HECW1: variants seen among roughly 807,000 people sequenced by gnomAD.
The protein encoded by HECW1 is HECT, C2 and WW domain containing E3 ubiquitin protein ligase 1, also known as E3 ubiquitin-protein ligase HECW1.
Under a neutral mutation model 182.3 loss-of-function variants are expected in HECW1, and 61 were observed. The ratio of observed to expected loss-of-function variants is 0.33; its 90% CI spans 0.27 to 0.41. HECW1 has a LOEUF of 0.41. HECW1 is among the 10% of genes least tolerant of loss of function. The pLI is 1.00. For missense variants in HECW1, 1,739 were observed against 2,108.9 expected (o/e 0.82, Z 3.44); for synonymous variants, 859 against 832.6 (o/e 1.03, Z -0.55).
At chr7:43,326,657 G>T (rs754138165) in intron 5 of HECW1, among the ~76,000 whole-genome samples, 3 of 152,200 alleles carry the variant, frequency 2.0e-5, no homozygotes, top group Non-Finnish European at 4.4e-5. Context: ...GGGCAGGATC[G>T]TACATCCACC....
intron 5 of HECW1, among the ~76,000 whole-genome samples, chr7:43,327,195 G>A (rs58558125): frequency 0.14 from 21,593 of 152,162 alleles, 1,716 homozygotes; most frequent in African/African-American, 0.22. Flanking sequence ...AACCCCACCT[G>A]TGCAACGTAA....
At chr7:43,376,191 CGT>C in intron 6 of HECW1, among the ~76,000 whole-genome samples, 1 of 151,874 alleles carries the variant, frequency 6.6e-6, no homozygotes, top group East Asian at 1.9e-4. Flanking sequence ...CCAAAATAAG[CGT>C]GTAAGATGCC....
At chr7:43,554,969 A>G (rs1055832913) in intron 29 of HECW1, among the ~76,000 whole-genome samples, 179 bp downstream of exon 29, 2 of 152,158 alleles carry the variant, frequency 1.3e-5, no homozygotes, top group Non-Finnish European at 2.9e-5. Context: ...CACTGAAACT[A>G]TATTATTCTT....
intron 19 of HECW1, among the ~76,000 whole-genome samples, chr7:43,496,410 G>A (rs2079125194): frequency 6.6e-6 from 1 of 152,004 alleles, no homozygotes; most frequent in African/African-American, 2.4e-5. Context: ...ACTGGACTAT[G>A]TGATGATAGA....
intron 6 of HECW1, among the ~76,000 whole-genome samples, chr7:43,386,058 C>A (rs2074781918): frequency 6.6e-6 from 1 of 152,184 alleles, no homozygotes. Flanking sequence ...CTGACTCAGC[C>A]AGGGGCCAAC....
chr7:43,124,629 G>A (rs1283481221), intron 2 of HECW1, among the ~76,000 whole-genome samples: 1 of 152,124 alleles, frequency 6.6e-6, no homozygotes, highest in Non-Finnish European at 1.5e-5. Flanking sequence ...TCTTTTCAGG[G>A]GCTGTCCTCA....
At chr7:43,534,334 TTAAA>T (rs2081097301) in intron 24 of HECW1, among the ~76,000 whole-genome samples, 1 of 152,200 alleles carries the variant, frequency 6.6e-6, no homozygotes, top group Non-Finnish European at 1.5e-5. Flanking sequence ...CTGCTTTCGT[TTAAA>T]TAATCTGTTG....
At chr7:43,558,731 G>C (rs925508577) in intron 29 of HECW1, among the ~76,000 whole-genome samples, 1 of 152,112 alleles carries the variant, frequency 6.6e-6, no homozygotes, top group Non-Finnish European at 1.5e-5. Flanking sequence ...GAGGCCTGAG[G>C]GTGCCATCAG....
At chr7:43,330,759 T>C (rs565458721) in intron 5 of HECW1, among the ~76,000 whole-genome samples, 162 of 152,282 alleles carry the variant, frequency 1.1e-3, no homozygotes, top group Non-Finnish European at 1.9e-3. Context: ...CCTGGTTTGC[T>C]GGAACTCTCC....
intron 24 of HECW1, among the ~76,000 whole-genome samples, chr7:43,539,493 A>G (rs1306780772): frequency 6.6e-6 from 1 of 152,254 alleles, no homozygotes; most frequent in Non-Finnish European, 1.5e-5. Context: ...AATAAATTTG[A>G]ATAATTTTTA....
intron 3 of HECW1, chr7:43,245,595 A>C (rs1361267131): frequency 1.3e-5 from 2 of 152,252 alleles, no homozygotes; most frequent in African/African-American, 4.8e-5. Context: ...AGCAAAGCCA[A>C]ATACGCACAC....
chr7:43,436,943 C>A (rs1418385991), intron 8 of HECW1, among the ~76,000 whole-genome samples: 3 of 152,242 alleles, frequency 2.0e-5, no homozygotes, highest in Non-Finnish European at 4.4e-5. Context: ...CAGCTCACTG[C>A]AACCTCCACC....
chr7:43,227,486 T>C (rs1317478728), intron 2 of HECW1, among the ~76,000 whole-genome samples: 1 of 152,110 alleles, frequency 6.6e-6, no homozygotes, highest in African/African-American at 2.4e-5. Context: ...GTAATAAAAG[T>C]ACAAAACTTT....
At chr7:43,475,725 A>G (rs1171075950) in intron 16 of HECW1, among the ~76,000 whole-genome samples, 2 of 151,904 alleles carry the variant, frequency 1.3e-5, no homozygotes, top group African/African-American at 4.8e-5. Context: ...CTTTTTTGGT[A>G]TATTTTTGTA....
intron 2 of HECW1, among the ~76,000 whole-genome samples, chr7:43,160,654 C>T (rs903866393): frequency 1.6e-4 from 25 of 152,190 alleles, no homozygotes; most frequent in Admixed American, 1.0e-3. Flanking sequence ...TGGTCCAGAA[C>T]CACACTGTTA....
intron 2 of HECW1, among the ~76,000 whole-genome samples, chr7:43,183,449 A>C (rs1437724031): frequency 6.6e-6 from 1 of 152,232 alleles, no homozygotes; most frequent in Non-Finnish European, 1.5e-5. Flanking sequence ...TATCTACTAT[A>C]GTCAGCATGA....
At chr7:43,316,167 C>A (rs1450562783) in intron 4 of HECW1, among the ~76,000 whole-genome samples, 2 of 152,136 alleles carry the variant, frequency 1.3e-5, no homozygotes, top group African/African-American at 4.8e-5. Context: ...TTATAATAAT[C>A]CACAAAGATC....
intron 3 of HECW1, among the ~76,000 whole-genome samples, chr7:43,262,775 G>A (rs947908394): frequency 6.6e-6 from 1 of 152,152 alleles, no homozygotes; most frequent in Non-Finnish European, 1.5e-5. Flanking sequence ...TGTTCTATAA[G>A]TAAAGTATAC....
chr7:43,329,913 C>A (rs1437796614), intron 5 of HECW1, among the ~76,000 whole-genome samples: 2 of 152,114 alleles, frequency 1.3e-5, no homozygotes, highest in Admixed American at 1.3e-4. Flanking sequence ...TAGGCAAGAG[C>A]CTTTCTTTTT....
Sources: allele counts gnomAD v4.1 joint callset (sites outside exome capture counted in the v4.1 genomes callset), GRCh38; gene constraint gnomAD v4.1.1; transcripts MANE v1.5; gene names NCBI Gene and HGNC (gene_info 2026-07-23, HGNC 2026-07-21).